FYN: variants seen among roughly 807,000 people sequenced by gnomAD.
FYN encodes the protein FYN proto-oncogene, Src family tyrosine kinase.
Under a neutral mutation model 70.2 loss-of-function variants are expected in FYN, and 10 were observed. The observed-to-expected ratio is 0.14, with a 90% CI of 0.09 to 0.24. FYN has a LOEUF of 0.24. Ranked by LOEUF, FYN falls within the 10% of genes least tolerant of loss-of-function variation. The probability of loss-of-function intolerance (pLI) is 1.00; values close to 1 mark genes in which losing one functional copy is unlikely to be tolerated. For synonymous variants in FYN, 236 were observed against 248.6 expected (o/e 0.95, Z 0.48); for missense variants, 319 against 673.1 (o/e 0.47, Z 5.82).
At position 111,791,127 on chromosome 6, in the gene FYN, G is replaced by A. The variant is rs79962220; in HGVS notation, c.-81-10492C>T. Among the ~76,000 whole-genome samples, 466 of 152,242 alleles carry A rather than the reference G, an allele frequency of 3.1e-3. 3 individuals are homozygous for A. The highest frequency in any genetic ancestry group is 0.011 in the African/African-American group (441 of 41,544). ...AAGTTAATCCTGAACAAGAGGAACA[G>A]GGCTGGAAGACTTATTCTACCAGAT... On this transcript the variant is annotated intron_variant, in intron 2 of 13. Coordinates refer to ENST00000354650, the MANE Select transcript of FYN (RefSeq NM_002037.5).
chr6:111,731,084 C>T (rs562790933), intron 3 of FYN, among the ~76,000 whole-genome samples: 13 of 152,154 alleles, frequency 8.5e-5, no homozygotes, highest in Non-Finnish European at 1.8e-4. Context: ...ATCAATGCCC[C>T]CTCCCCAAGT....
At chr6:111,796,563 C>T (rs771564760) in intron 2 of FYN, among the ~76,000 whole-genome samples, 7 of 152,132 alleles carry the variant, frequency 4.6e-5, no homozygotes, top group African/African-American at 1.2e-4. Context: ...CCTGAAGCAA[C>T]GCGTGACTGT....
chr6:111,740,313 T>C (rs1026365435), intron 3 of FYN, among the ~76,000 whole-genome samples: 17 of 152,162 alleles, frequency 1.1e-4, no homozygotes, highest in African/African-American at 4.1e-4. Context: ...GTGCTGTTCA[T>C]GATAATAAAA....
At chr6:111,829,151 T>G (rs1772931957) in intron 2 of FYN, among the ~76,000 whole-genome samples, 1 of 152,208 alleles carries the variant, frequency 6.6e-6, no homozygotes, top group African/African-American at 2.4e-5. Context: ...TTTTTACATT[T>G]ACATAGAGGC....
At chr6:111,842,704 G>A (rs893243228) in intron 2 of FYN, among the ~76,000 whole-genome samples, 5 of 152,290 alleles carry the variant, frequency 3.3e-5, no homozygotes, top group African/African-American at 1.2e-4. Flanking sequence ...GAAATCATGC[G>A]GACATGGCTT....
intron 3 of FYN, among the ~76,000 whole-genome samples, chr6:111,726,541 T>C (rs1006065334): frequency 1.6e-4 from 25 of 152,176 alleles, no homozygotes; most frequent in African/African-American, 5.5e-4. Flanking sequence ...TGAAACCAGA[T>C]AGCCTGATTC....
At chr6:111,726,915 G>A (rs149536083) in intron 3 of FYN, among the ~76,000 whole-genome samples, 82 of 152,264 alleles carry the variant, frequency 5.4e-4, no homozygotes, top group African/African-American at 2.0e-3. Context: ...CACTTACTCC[G>A]TCCTGCCGCC....
intron 12 of FYN, among the ~76,000 whole-genome samples, chr6:111,680,490 A>T (rs1243419742): frequency 6.6e-6 from 1 of 152,240 alleles, no homozygotes; most frequent in African/African-American, 2.4e-5. Flanking sequence ...TGTGAGCAGA[A>T]GTGCGATGAC....
At chr6:111,852,833 T>C (rs889177876) in intron 1 of FYN, among the ~76,000 whole-genome samples, 1 of 152,236 alleles carries the variant, frequency 6.6e-6, no homozygotes, top group African/African-American at 2.4e-5. Context: ...TCACAGTCTC[T>C]CTTTGCTAAA....
intron 12 of FYN, among the ~76,000 whole-genome samples, chr6:111,683,318 C>A (rs1287149027): frequency 1.3e-5 from 2 of 152,228 alleles, no homozygotes; most frequent in African/African-American, 2.4e-5. Context: ...GCTCTCCTTG[C>A]GGTGGGGAGG....
intron 3 of FYN, among the ~76,000 whole-genome samples, chr6:111,765,613 A>G (rs1486907319): frequency 2.0e-5 from 3 of 152,176 alleles, no homozygotes; most frequent in African/African-American, 7.2e-5. Flanking sequence ...TTATCTATGA[A>G]TATGTTCTAA....
At chr6:111,687,932 A>G (rs73538023) in intron 12 of FYN, among the ~76,000 whole-genome samples, 4,552 of 152,192 alleles carry the variant, frequency 0.03, 231 homozygotes, top group African/African-American at 0.1. Context: ...CTTTGATCTC[A>G]TGGGTCATGC....
At chr6:111,810,436 C>T (rs1244477954) in intron 2 of FYN, among the ~76,000 whole-genome samples, 4 of 152,174 alleles carry the variant, frequency 2.6e-5, no homozygotes, top group Admixed American at 6.5e-5. Context: ...ACTGAATATT[C>T]TGCGGTATTG....
intron 2 of FYN, among the ~76,000 whole-genome samples, chr6:111,813,394 G>C (rs1187259157): frequency 6.6e-6 from 1 of 152,128 alleles, no homozygotes; most frequent in Non-Finnish European, 1.5e-5. Flanking sequence ...ATGCAAACTT[G>C]AGAGAATAAT....
At chr6:111,754,991 C>T (rs1408218748) in intron 3 of FYN, among the ~76,000 whole-genome samples, 4 of 141,454 alleles carry the variant, frequency 2.8e-5, no homozygotes, top group Admixed American at 1.4e-4. Context: ...TTTTAAAGAA[C>T]GGATGGGTTG....
intron 1 of FYN, among the ~76,000 whole-genome samples, chr6:111,847,982 C>T (rs139614143): frequency 1.8e-3 from 279 of 152,316 alleles, no homozygotes; most frequent in African/African-American, 6.5e-3. Flanking sequence ...ACGGAGAAAC[C>T]GCCAGGCAAT....
At chr6:111,725,716 T>A (rs972152252) in intron 3 of FYN, among the ~76,000 whole-genome samples, 1 of 152,222 alleles carries the variant, frequency 6.6e-6, no homozygotes, top group Non-Finnish European at 1.5e-5. Flanking sequence ...AAGTCCTCTC[T>A]TTGCTGCCAA....
chr6:111,762,289 C>T (rs1481496750), intron 3 of FYN, among the ~76,000 whole-genome samples: 3 of 152,148 alleles, frequency 2.0e-5, no homozygotes, highest in African/African-American at 7.2e-5. Flanking sequence ...CCAGTTAATG[C>T]TCATTACTTA....
intron 2 of FYN, among the ~76,000 whole-genome samples, chr6:111,787,370 G>T (rs1218684021): frequency 1.3e-5 from 2 of 152,166 alleles, no homozygotes; most frequent in African/African-American, 4.8e-5. Context: ...AAGATCAGAT[G>T]GTTGTAGATG....
Sources: allele counts gnomAD v4.1 joint callset (sites outside exome capture counted in the v4.1 genomes callset), GRCh38; gene constraint gnomAD v4.1.1; transcripts MANE v1.5; gene names NCBI Gene and HGNC (gene_info 2026-07-23, HGNC 2026-07-21).